ITPR2: variants seen among roughly 807,000 people sequenced by gnomAD.
ITPR2 encodes the protein inositol 1,4,5-trisphosphate-gated calcium channel ITPR2.
In ITPR2, 207 loss-of-function variants were observed where a neutral mutation model predicts 317.1. The observed-to-expected ratio is 0.65, with a 90% CI of 0.58 to 0.73. ITPR2 has a LOEUF of 0.73. ITPR2 is among the 30% of genes least tolerant of loss of function. The pLI, the probability that ITPR2 is intolerant of heterozygous loss-of-function variation, is 0.00. For synonymous variants in ITPR2, 1,156 were observed against 1,149.1 expected (o/e 1.01, Z -0.12); for missense variants, 2,613 against 3,284.0 (o/e 0.80, Z 4.99).
At chr12:26,545,928 T>G (rs1374683821) in intron 37 of ITPR2, among the ~76,000 whole-genome samples, 1 of 152,194 alleles carries the variant, frequency 6.6e-6, no homozygotes. Context: ...TCTTTAAGAT[T>G]TCCTGAGAGG....
At chr12:26,727,121 C>A (rs894113399) in intron 2 of ITPR2, among the ~76,000 whole-genome samples, 2 of 152,176 alleles carry the variant, frequency 1.3e-5, no homozygotes, top group African/African-American at 4.8e-5. Context: ...TGACCAAAGA[C>A]GGACAGCCTG....
chr12:26,395,571 C>T (rs1359621618), intron 54 of ITPR2, among the ~76,000 whole-genome samples: 1 of 149,198 alleles, frequency 6.7e-6, no homozygotes, highest in Admixed American at 6.8e-5. Flanking sequence ...AGTGTACCAA[C>T]ATGATGATGA....
In ITPR2 at chr12:26,621,232, T is replaced by C; in HGVS notation, c.3353A>G (p.Gln1118Arg). The change falls in exon 26 of 57, where the codon CAG (glutamine) becomes CGG (arginine). Residue 1118 changes from glutamine to arginine, a missense_variant. Physicochemically the swap from Gln to Arg is conservative, Grantham distance 43. Around this residue, in one of 9 missense-constraint regions of ITPR2, gnomAD observed 817 missense variants for 897.6 expected, o/e 0.91. Transcript: ENST00000381340. Reference sequence around the variant, plus strand: ...AGACTTTTCTACTGTCAGTCGAAGCTGGTCTAGATCTGCCTTGATTTGCTT... The same window carrying C: ...AGACTTTTCTACTGTCAGTCGAAGCCGGTCTAGATCTGCCTTGATTTGCTT... The part of the protein sequence containing the change: ...NYKQIKADLD[Q>R]LRLTVEKSEL... 6.2e-7 allele frequency: 1 copy of C among 1,613,878 alleles called. No individual in the cohort carries two copies. Among genetic ancestry groups the C allele is most frequent in the Admixed American group, 1.7e-5 (1 of 60,024 alleles).
At chr12:26,653,952 T>C in intron 21 of ITPR2, 24 bp downstream of exon 21, 1 of 1,584,318 alleles carries the variant, frequency 6.3e-7, no homozygotes, top group African/African-American at 1.3e-5. Flanking sequence ...ACAATGATAT[T>C]ATCACATTTC....
chr12:26,627,690 C>T (rs1252418296), intron 23 of ITPR2, among the ~76,000 whole-genome samples: 1 of 152,088 alleles, frequency 6.6e-6, no homozygotes, highest in South Asian at 2.1e-4. Flanking sequence ...CCAAACACTG[C>T]ATGTTCTCAT....
intron 1 of ITPR2, among the ~76,000 whole-genome samples, chr12:26,792,120 A>G (rs1056980816): frequency 1.3e-5 from 2 of 152,132 alleles, no homozygotes; most frequent in Non-Finnish European, 2.9e-5. Context: ...GTGAACACTA[A>G]TATCTATCCT....
intron 37 of ITPR2, among the ~76,000 whole-genome samples, chr12:26,502,868 C>A (rs1402043397): frequency 6.6e-6 from 1 of 152,198 alleles, no homozygotes; most frequent in African/African-American, 2.4e-5. Context: ...TTTTAAAGTT[C>A]TATCCCCAGA....
chr12:26,693,234 C>T (rs545947551), intron 10 of ITPR2, among the ~76,000 whole-genome samples: 12 of 152,210 alleles, frequency 7.9e-5, no homozygotes, highest in Non-Finnish European at 1.3e-4. Flanking sequence ...CCAGTAACAA[C>T]GGCTTAAACA....
Position 26,831,821 on chromosome 12 carries a change from T to TATTCTACATAAAATATATAAATATA in ITPR2, c.92+868_92+869insTATATTTATATATTTTATGTAGAAT, listed in dbSNP as rs1951112984. ...ATTATACATAAAATATATAAATATA[T>TATTCTACATAAAATATATAAATATA]ATTATACATAAAATATATAAATATA... is the stretch of plus-strand genomic sequence containing the variant. On this transcript the variant is annotated intron_variant, in intron 1 of 56. Coordinates refer to ENST00000381340, the MANE Select transcript of ITPR2 (RefSeq NM_002223.4). The surrounding 1 kb of genome is among the most constrained non-coding windows in gnomAD (Gnocchi z 4.9). Among the ~76,000 whole-genome samples the TATTCTACATAAAATATATAAATATA allele has an allele frequency of 2.1e-5, 3 of 141,794 alleles. No individual in the cohort carries two copies. In the South Asian group the frequency reaches 6.3e-4, roughly 30 times the overall value. The allele number at this position is 141,794 out of a possible 152,430, so 93.0% of individuals were successfully genotyped here.
chr12:26,619,980 G>C (rs1016839069), intron 26 of ITPR2, among the ~76,000 whole-genome samples: 2 of 152,114 alleles, frequency 1.3e-5, no homozygotes, highest in African/African-American at 4.8e-5. Context: ...AAATTCTGGG[G>C]TGTCTGATTC....
intron 13 of ITPR2, among the ~76,000 whole-genome samples, chr12:26,671,046 AT>A (rs1436474169): frequency 2.0e-5 from 3 of 152,144 alleles, no homozygotes; most frequent in African/African-American, 7.2e-5. Flanking sequence ...ATATGGGACT[AT>A]GTGAAAAGAC....
intron 55 of ITPR2, among the ~76,000 whole-genome samples, chr12:26,377,782 A>G (rs2136610762): frequency 6.6e-6 from 1 of 152,348 alleles, no homozygotes; most frequent in South Asian, 2.1e-4. Flanking sequence ...TTCACATAAA[A>G]TGGGTATAAA....
At chr12:26,756,973 C>G (rs57294941) in intron 2 of ITPR2, among the ~76,000 whole-genome samples, 60,534 of 152,028 alleles carry the variant, frequency 0.4, 13,592 homozygotes, top group Non-Finnish European at 0.53. Flanking sequence ...AATAAAGAAG[C>G]CTTTACCAAG....
intron 13 of ITPR2, among the ~76,000 whole-genome samples, chr12:26,680,679 T>C (rs950113342): frequency 2.0e-5 from 3 of 152,226 alleles, no homozygotes; most frequent in Non-Finnish European, 4.4e-5. Flanking sequence ...AGCCACGCCA[T>C]TGCACATAGA....
chr12:26,477,210 G>A (rs1942438152), intron 43 of ITPR2, among the ~76,000 whole-genome samples: 1 of 152,058 alleles, frequency 6.6e-6, no homozygotes, highest in East Asian at 1.9e-4. Context: ...TGAATCATGA[G>A]AGCTATGTTA....
chr12:26,601,699 G>C (rs1946001508), intron 28 of ITPR2, among the ~76,000 whole-genome samples: 1 of 152,114 alleles, frequency 6.6e-6, no homozygotes, highest in African/African-American at 2.4e-5. Flanking sequence ...TGAAGAATGG[G>C]ATATTTACTT....
intron 1 of ITPR2, among the ~76,000 whole-genome samples, chr12:26,799,979 C>T (rs1451300988): frequency 6.6e-6 from 1 of 152,164 alleles, no homozygotes; most frequent in Non-Finnish European, 1.5e-5. Context: ...CAGATCTTTA[C>T]CACCATCACA....
At chr12:26,724,803 CAAAG>C (rs552922624) in intron 3 of ITPR2, 61 bp from the exon 4 acceptor site, 1 of 1,221,248 alleles carries the variant, frequency 8.2e-7, no homozygotes, top group Non-Finnish European at 1.2e-6. Context: ...TAATAACTGA[CAAAG>C]AAATTTTTTT....
Position 26,481,255 on chromosome 12 carries a change from T to C in ITPR2, c.6013-14A>G. ...AGCGATACAGGTCTAGAAAACAAAATATTTGTAAAATATCATTTTATTCAC... is the reference window on the plus strand; with the variant it reads ...AGCGATACAGGTCTAGAAAACAAAACATTTGTAAAATATCATTTTATTCAC... On this transcript the variant is annotated splice_polypyrimidine_tract_variant and intron_variant, in intron 42 of 56. Transcript: ENST00000381340. 1 of 1,422,378 alleles carries C rather than the reference T, an allele frequency of 7.0e-7. No individual in the cohort carries two copies. The highest frequency in any genetic ancestry group is 2.3e-5 in the East Asian group (1 of 43,670). The allele number at this position is 1,422,378 out of a possible 1,614,324, so 88.1% of individuals were successfully genotyped here.
Sources: allele counts gnomAD v4.1 joint callset (sites outside exome capture counted in the v4.1 genomes callset), GRCh38; gene constraint gnomAD v4.1.1; regional missense constraint gnomAD v4.1.1; non-coding constraint Gnocchi (gnomAD v3.1); transcripts MANE v1.5; gene names NCBI Gene and HGNC (gene_info 2026-07-23, HGNC 2026-07-21).